Variants in GALNTL6 observed in about 807,000 individuals in gnomAD.
GALNTL6 encodes polypeptide N-acetylgalactosaminyltransferase-like 6.
Under a neutral mutation model 73.7 loss-of-function variants are expected in GALNTL6, and 46 were observed. That is an observed-to-expected ratio of 0.62 (90% CI 0.49 to 0.80). GALNTL6 has a LOEUF of 0.80. Ranked by LOEUF, GALNTL6 falls within the 30% of genes least tolerant of loss-of-function variation. The probability of loss-of-function intolerance (pLI) is 0.00; values close to 1 mark genes in which losing one functional copy is unlikely to be tolerated. For missense variants in GALNTL6, 604 were observed against 755.0 expected (o/e 0.80, Z 2.34); for synonymous variants, 259 against 263.7 (o/e 0.98, Z 0.17).
intron 2 of GALNTL6, among the ~76,000 whole-genome samples, chr4:171,827,287 A>C (rs754420653): frequency 4.6e-5 from 7 of 152,116 alleles, no homozygotes; most frequent in Non-Finnish European, 8.8e-5. Context: ...GCTGCCACTT[A>C]ATTATTTACA....
chr4:171,834,063 T>A (rs1735042375), intron 2 of GALNTL6, among the ~76,000 whole-genome samples: 1 of 151,902 alleles, frequency 6.6e-6, no homozygotes, highest in Non-Finnish European at 1.5e-5. Flanking sequence ...AAAAAAACAT[T>A]TTTTAAAGCC....
At chr4:172,487,367 C>CTTCTTTCCTTCTTTTCTT (rs1561107022) in intron 5 of GALNTL6, among the ~76,000 whole-genome samples, 5 of 86,990 alleles carry the variant, frequency 5.7e-5, no homozygotes, top group African/African-American at 2.0e-4. Context: ...TCCTTCTTTC[C>CTTCTTTCCTTCTTTTCTT]TTCTTTTCTT....
At chr4:171,937,511 TAC>T in intron 2 of GALNTL6, among the ~76,000 whole-genome samples, 1 of 152,192 alleles carries the variant, frequency 6.6e-6, no homozygotes, top group South Asian at 2.1e-4. Context: ...GTGATATACG[TAC>T]ACAGAAATTA....
intron 5 of GALNTL6, among the ~76,000 whole-genome samples, chr4:172,558,960 G>A (rs1434062668): frequency 6.6e-6 from 1 of 150,738 alleles, no homozygotes; most frequent in Non-Finnish European, 1.5e-5. Context: ...TTTTTGTCAT[G>A]GAGTAAAATC....
At chr4:171,832,322 TA>T (rs1290896611) in intron 2 of GALNTL6, among the ~76,000 whole-genome samples, 1 of 151,484 alleles carries the variant, frequency 6.6e-6, no homozygotes, top group Non-Finnish European at 1.5e-5. Context: ...TCTCAAACTT[TA>T]AATTGGGCAG....
chr4:172,396,831 AT>A (rs1172274789), intron 5 of GALNTL6, among the ~76,000 whole-genome samples: 1 of 152,210 alleles, frequency 6.6e-6, no homozygotes, highest in African/African-American at 2.4e-5. Flanking sequence ...TGCACATTTT[AT>A]TGAATGCAAT....
intron 5 of GALNTL6, among the ~76,000 whole-genome samples, chr4:172,747,886 T>A (rs1239637598): frequency 6.7e-6 from 1 of 148,194 alleles, no homozygotes; most frequent in African/African-American, 2.5e-5. Context: ...TTGTGACAAC[T>A]AGATGAACCC....
At chr4:172,454,477 T>C (rs561287870) in intron 5 of GALNTL6, among the ~76,000 whole-genome samples, 13 of 152,344 alleles carry the variant, frequency 8.5e-5, no homozygotes, top group Non-Finnish European at 1.8e-4. Context: ...ATGAGGTACA[T>C]AGATGTTTTG....
At chr4:172,545,101 T>C (rs917910665) in intron 5 of GALNTL6, among the ~76,000 whole-genome samples, 15 of 152,194 alleles carry the variant, frequency 9.9e-5, no homozygotes, top group Non-Finnish European at 1.8e-4. Context: ...TGGATAATTT[T>C]AAAAATTCTT....
chr4:172,091,074 C>A (rs1732190023), intron 2 of GALNTL6, among the ~76,000 whole-genome samples: 1 of 152,060 alleles, frequency 6.6e-6, no homozygotes, highest in South Asian at 2.1e-4. Flanking sequence ...GTACTAGTAC[C>A]ATGCTGGTAC....
chr4:171,874,060 A>G lies in GALNTL6; in HGVS notation c.138+59342A>G, dbSNP rs188603694. Among the ~76,000 whole-genome samples the G allele has an allele frequency of 5.7e-3, 875 of 152,226 alleles. 10 individuals carry two copies. Among genetic ancestry groups the G allele is most frequent in the African/African-American group, 0.02 (817 of 41,550 alleles). ...CATGTCTTTTTAATCACTGTTTTTTAGTTTCTGTCTATTAACTTCCTCCTT... is the reference window on the plus strand; with the variant it reads ...CATGTCTTTTTAATCACTGTTTTTTGGTTTCTGTCTATTAACTTCCTCCTT... On this transcript the variant is annotated intron_variant, in intron 2 of 12. Coordinates refer to ENST00000506823, the MANE Select transcript of GALNTL6 (RefSeq NM_001034845.3).
chr4:172,487,743 C>T (rs1236681057), intron 5 of GALNTL6, among the ~76,000 whole-genome samples: 1 of 152,030 alleles, frequency 6.6e-6, no homozygotes, highest in African/African-American at 2.4e-5. Flanking sequence ...TTCCTCAATG[C>T]ATAAAGAATA....
chr4:172,307,827 T>G (rs1431322274), intron 3 of GALNTL6, among the ~76,000 whole-genome samples: 7 of 151,914 alleles, frequency 4.6e-5, no homozygotes, highest in Admixed American at 4.6e-4. Flanking sequence ...TTGTCTTGCT[T>G]TGGTTATGTG....
chr4:172,394,287 T>C (rs1373427745), intron 5 of GALNTL6, among the ~76,000 whole-genome samples: 1 of 152,094 alleles, frequency 6.6e-6, no homozygotes, highest in African/African-American at 2.4e-5. Context: ...ATTATAACCA[T>C]AAAAATTGTT....
intron 9 of GALNTL6, among the ~76,000 whole-genome samples, chr4:172,935,165 G>A (rs372319888): frequency 1.3e-5 from 2 of 152,182 alleles, no homozygotes; most frequent in African/African-American, 4.8e-5. Flanking sequence ...ACGCCAGAGC[G>A]CTGCCCTGCA....
chr4:173,001,978 T>C (rs1257131694), intron 10 of GALNTL6, among the ~76,000 whole-genome samples: 1 of 152,150 alleles, frequency 6.6e-6, no homozygotes, highest in Non-Finnish European at 1.5e-5. Context: ...AAGTTAAACA[T>C]AGAATTACCT....
chr4:172,071,911 GC>G (rs1392001013), intron 2 of GALNTL6, among the ~76,000 whole-genome samples: 2 of 152,300 alleles, frequency 1.3e-5, no homozygotes, highest in East Asian at 3.9e-4. Flanking sequence ...GGCTTTCTTT[GC>G]TTGGGCTTAG....
intron 5 of GALNTL6, among the ~76,000 whole-genome samples, chr4:172,643,445 A>G (rs1447716176): frequency 6.6e-6 from 1 of 151,962 alleles, no homozygotes; most frequent in East Asian, 1.9e-4. Flanking sequence ...CAAATCATGC[A>G]TTCCTTGTTT....
At chr4:172,321,938 A>G (rs1300249481) in intron 4 of GALNTL6, among the ~76,000 whole-genome samples, 1 of 152,186 alleles carries the variant, frequency 6.6e-6, no homozygotes, top group African/African-American at 2.4e-5. Flanking sequence ...GCTTCCTGAT[A>G]AGATCTCAGA....
Sources: gnomAD v4.1 joint callset for allele counts (sites outside exome capture counted in the v4.1 genomes callset) on GRCh38, gnomAD v4.1.1 for gene constraint, MANE v1.5 for transcripts, NCBI Gene and HGNC (gene_info 2026-07-23, HGNC 2026-07-21) for gene names.